FAR2: variants seen among roughly 807,000 people sequenced by gnomAD.
The protein encoded by FAR2 is epididymis secretory protein Li 81.
Under a neutral mutation model 56.0 loss-of-function variants are expected in FAR2, and 19 were observed. The ratio of observed to expected loss-of-function variants is 0.34; its 90% CI spans 0.24 to 0.50. The LOEUF is 0.50. Ranked by LOEUF, FAR2 falls within the 20% of genes least tolerant of loss-of-function variation. The pLI is 0.98. For synonymous variants in FAR2, 219 were observed against 218.8 expected, an observed-to-expected ratio of 1.00 and a Z score of -0.01; for missense variants, 508 against 642.2, an observed-to-expected ratio of 0.79 and a Z score of 2.26.
intron 4 of FAR2, among the ~76,000 whole-genome samples, chr12:29,297,789 T>G (rs1448378863): frequency 6.6e-6 from 1 of 152,214 alleles, no homozygotes; most frequent in African/African-American, 2.4e-5. Context: ...CTCACGCCTG[T>G]AATCCCAGCA....
Position 29,297,072 on chromosome 12 carries a change from T to A in FAR2, c.417T>A (p.Ala139=). 6.2e-7 allele frequency: 1 copy of A among 1,613,278 alleles called. No homozygotes were observed. Among genetic ancestry groups the A allele is most frequent in the Non-Finnish European group, 8.5e-7 (1 of 1,179,614 alleles). ...CCACCCGGCAGCTCTTGCTTATGGC[T>A]AGTCAGATGCCAAAGCTGGAAGCCT... ...VTATRQLLLM[A]SQMPKLEAFI... The change falls in exon 4 of 12, where the codon GCT becomes GCA. Residue 139 remains alanine (A), a synonymous_variant. Transcript: ENST00000536681.
chr12:29,162,949 A>T (rs906827735), intron 1 of FAR2, among the ~76,000 whole-genome samples: 4 of 152,258 alleles, frequency 2.6e-5, no homozygotes, highest in South Asian at 2.1e-4. Flanking sequence ...TATTAAGAAG[A>T]GTAAAACACA....
At chr12:29,291,599 T>C (rs1038653845) in intron 2 of FAR2, 2 of 382,514 alleles carry the variant, frequency 5.2e-6, no homozygotes, top group African/African-American at 4.2e-5. Flanking sequence ...GCCCTAGTAA[T>C]TTCTTATTTA....
intron 1 of FAR2, among the ~76,000 whole-genome samples, chr12:29,253,660 T>C (rs1345552459): frequency 1.3e-5 from 2 of 152,256 alleles, no homozygotes; most frequent in African/African-American, 4.8e-5. Flanking sequence ...CTGATCCAAT[T>C]TATAAATCAC....
intron 1 of FAR2, among the ~76,000 whole-genome samples, chr12:29,193,798 A>C (rs949919444): frequency 1.3e-5 from 2 of 152,226 alleles, no homozygotes; most frequent in African/African-American, 4.8e-5. Flanking sequence ...TGGTATGAGC[A>C]TGTTTACTTT....
intron 1 of FAR2, among the ~76,000 whole-genome samples, chr12:29,153,615 A>G (rs2136570846): frequency 6.6e-6 from 1 of 152,282 alleles, no homozygotes; most frequent in Admixed American, 6.5e-5. Flanking sequence ...TCTAATTTCT[A>G]TTTTGAGGAA....
intron 1 of FAR2, among the ~76,000 whole-genome samples, chr12:29,258,247 C>T (rs951757870): frequency 2.6e-5 from 4 of 151,330 alleles, no homozygotes; most frequent in Admixed American, 6.6e-5. Context: ...CCCAGCTACT[C>T]GGGAGGCTGA....
At chr12:29,278,713 A>G (rs1215352036) in intron 2 of FAR2, among the ~76,000 whole-genome samples, 1 of 152,184 alleles carries the variant, frequency 6.6e-6, no homozygotes, top group Non-Finnish European at 1.5e-5. Context: ...GAGGCTGTAT[A>G]AAGTAAAGGT....
At chr12:29,245,149 T>C (rs973055030) in intron 1 of FAR2, among the ~76,000 whole-genome samples, 2 of 152,056 alleles carry the variant, frequency 1.3e-5, no homozygotes, top group Admixed American at 1.3e-4. Flanking sequence ...CCCAGCTGAT[T>C]TTTGTATTTT....
intron 1 of FAR2, among the ~76,000 whole-genome samples, chr12:29,181,183 T>A (rs1300215736): frequency 1.3e-5 from 2 of 151,356 alleles, no homozygotes; most frequent in Admixed American, 1.3e-4. Context: ...GATAAATTTT[T>A]AGATTAGTTT....
chr12:29,185,420 A>G (rs1950032333), intron 1 of FAR2, among the ~76,000 whole-genome samples: 2 of 152,248 alleles, frequency 1.3e-5, no homozygotes, highest in Admixed American at 6.5e-5. Context: ...AAACATGTAT[A>G]CAAATGAATA....
At position 29,321,756 on chromosome 12, in the gene FAR2, G is replaced by A. The variant is rs375383798; in HGVS notation, c.1128-39G>A. On this transcript the variant is annotated intron_variant, in intron 9 of 11. Coordinates refer to ENST00000536681, the MANE Select transcript of FAR2 (RefSeq NM_001271783.2). ...CATCCCTGTAGAGTGACAGGGAAGT[G>A]GTGCGCTGATATTTACTCCTATCTG... The A allele has an allele frequency of 1.8e-5, 29 of 1,605,348 alleles. No individual in the cohort carries two copies. The African/African-American group carries it at 3.5e-4, about 19-fold the overall frequency.
chr12:29,176,741 G>T (rs1354676720), intron 1 of FAR2, among the ~76,000 whole-genome samples: 1 of 152,152 alleles, frequency 6.6e-6, no homozygotes, highest in Non-Finnish European at 1.5e-5. Flanking sequence ...AATTCAGTGT[G>T]TAAACATTTA....
chr12:29,312,192 C>T lies in FAR2; in HGVS notation c.955+242C>T, dbSNP rs184056067. On this transcript the variant is annotated intron_variant, in intron 8 of 11. Transcript: ENST00000536681. ...GCAGTAAGGGGTCCATTGGCTATAG[C>T]GATTTTAAAAATGATGAAACAAAGC... is the stretch of plus-strand genomic sequence containing the variant. Among the ~76,000 whole-genome samples the T allele has an allele frequency of 1.0e-3, 155 of 152,096 alleles. 1 individual carries two copies. Among genetic ancestry groups the T allele is most frequent in the African/African-American group, 3.7e-3 (153 of 41,506 alleles).
chr12:29,208,663 T>G (rs1947505321), intron 1 of FAR2, among the ~76,000 whole-genome samples: 1 of 151,478 alleles, frequency 6.6e-6, no homozygotes, highest in East Asian at 1.9e-4. Flanking sequence ...AAAAAAAAAA[T>G]GCCCACCTGT....
At chr12:29,274,981 G>A in intron 2 of FAR2, among the ~76,000 whole-genome samples, 1 of 568 alleles carries the variant, frequency 1.8e-3, no homozygotes, top group Admixed American at 0.033. Flanking sequence ...CTCGGATCGG[G>A]GGACCTCCCT....
At chr12:29,245,713 T>C (rs1178327861) in intron 1 of FAR2, among the ~76,000 whole-genome samples, 2 of 152,172 alleles carry the variant, frequency 1.3e-5, no homozygotes, top group Non-Finnish European at 2.9e-5. Context: ...TCTACCTCTT[T>C]ATGCTGGCAT....
chr12:29,257,694 C>A (rs568478539), intron 1 of FAR2, among the ~76,000 whole-genome samples: 63 of 152,212 alleles, frequency 4.1e-4, no homozygotes, highest in Middle Eastern at 3.4e-3. Flanking sequence ...GTAACACTCA[C>A]CTCGAAGGTC....
chr12:29,218,584 G>T (rs1272168773), intron 1 of FAR2, among the ~76,000 whole-genome samples: 1 of 152,074 alleles, frequency 6.6e-6, no homozygotes, highest in Non-Finnish European at 1.5e-5. Flanking sequence ...TAGGGCAGAA[G>T]AAATATTTGA....
Sources: allele counts gnomAD v4.1 joint callset (sites outside exome capture counted in the v4.1 genomes callset), GRCh38; gene constraint gnomAD v4.1.1; transcripts MANE v1.5; gene names NCBI Gene and HGNC (gene_info 2026-07-23, HGNC 2026-07-21).